Variants in PCDHGB4 observed in about 807,000 individuals in gnomAD.
PCDHGB4 encodes the protein protocadherin gamma subfamily B, 4, also known as protocadherin gamma-B4.
PCDHGB4 carries 38 observed loss-of-function variants against 60.5 expected under a neutral mutation model. The ratio of observed to expected loss-of-function variants is 0.63; its 90% CI spans 0.48 to 0.82. The LOEUF (loss-of-function observed/expected upper bound fraction) is 0.82, where lower values mean the gene tolerates loss of function less well. PCDHGB4 is among the 40% of genes least tolerant of loss of function. PCDHGB4 has a pLI of 0.00. For missense variants in PCDHGB4, 1,109 were observed against 1,209.6 expected (o/e 0.92, Z 1.23); for synonymous variants, 456 against 509.7 (o/e 0.89, Z 1.42).
At position 141,477,372 on chromosome 5, in the gene PCDHGB4, CTG is replaced by C; in HGVS notation, c.2398-17432_2398-17431del. On this transcript the variant is annotated intron_variant, in intron 1 of 3. Transcript: ENST00000519479. This position sits in a 1 kb window ranked among gnomAD's most constrained non-coding sequence, Gnocchi z 4.9. ...ACCAGTGCAGACCTGGATCGGGAGA[CTG>C]TGCCAGAATACAACCTCAGCATCAC... The C allele has an allele frequency of 6.2e-7, 1 of 1,614,154 alleles. No homozygotes were observed. The highest frequency in any genetic ancestry group is 8.5e-7 in the Non-Finnish European group (1 of 1,180,030).
intron 1 of PCDHGB4, among the ~76,000 whole-genome samples, chr5:141,437,987 C>T (rs2097922147): frequency 1.3e-5 from 2 of 152,156 alleles, no homozygotes; most frequent in African/African-American, 2.4e-5. Flanking sequence ...GCACCCACCC[C>T]ACCTCAGCCT....
chr5:141,485,920 T>G lies in PCDHGB4; in HGVS notation c.2398-8887T>G. 4 of 1,614,038 alleles carry G rather than the reference T, an allele frequency of 2.5e-6. No individual in the cohort carries two copies. Among genetic ancestry groups the G allele is most frequent in the Non-Finnish European group, 3.4e-6 (4 of 1,180,010 alleles). ...CCTTCCAGCAATCCAGCTACAGGAT[T>G]AGTGTGTTGGAGAGCGCACCAGCGG... On this transcript the variant is annotated intron_variant, in intron 1 of 3. Transcript: ENST00000519479. The surrounding 1 kb of genome is among the most constrained non-coding windows in gnomAD (Gnocchi z 5.7).
At chr5:141,409,545 A>G in intron 1 of PCDHGB4, 1 of 1,613,938 alleles carries the variant, frequency 6.2e-7, no homozygotes, top group African/African-American at 1.3e-5. Flanking sequence ...ATCAACGACA[A>G]CGCCCCAGTT....
At chr5:141,460,989 A>G (rs199888312) in intron 1 of PCDHGB4, among the ~76,000 whole-genome samples, 3,445 of 98,242 alleles carry the variant, frequency 0.035, 55 homozygotes, top group African/African-American at 0.064. Context: ...GTGTGTATAT[A>G]TATATATGTG....
At chr5:141,427,825 C>T (rs1342117815) in intron 1 of PCDHGB4, 2 of 1,536,464 alleles carry the variant, frequency 1.3e-6, no homozygotes, top group Non-Finnish European at 1.8e-6. Flanking sequence ...GTGGTGGTCG[C>T]GCAGCGTGCC....
Position 141,489,493 on chromosome 5 carries a change from G to A in PCDHGB4, c.2398-5314G>A, listed in dbSNP as rs1485293604. ...CCTGAGCTTGATGAGTGGTGCCCTG[G>A]CAGTGAATCAAAAGATTGACCGAGA... On this transcript the variant is annotated intron_variant, in intron 1 of 3. Coordinates refer to ENST00000519479, the MANE Select transcript of PCDHGB4 (RefSeq NM_003736.4). The surrounding 1 kb of genome is among the most constrained non-coding windows in gnomAD (Gnocchi z 4.5). The A allele has an allele frequency of 1.2e-6, 2 of 1,613,960 alleles. No homozygotes were observed. Among genetic ancestry groups the A allele is most frequent in the Non-Finnish European group, 1.7e-6 (2 of 1,180,038 alleles).
intron 2 of PCDHGB4, among the ~76,000 whole-genome samples, chr5:141,503,085 C>T (rs1284066265): frequency 6.6e-6 from 1 of 152,044 alleles, no homozygotes; most frequent in Non-Finnish European, 1.5e-5. Context: ...GATCTCCTGA[C>T]CTCGTGGTCT....
intron 1 of PCDHGB4, among the ~76,000 whole-genome samples, chr5:141,425,305 AC>A (rs1239206853): frequency 1.3e-5 from 2 of 152,202 alleles, no homozygotes; most frequent in Non-Finnish European, 2.9e-5. Flanking sequence ...ATCTAAACTA[AC>A]TTCCCAAGAT....
At chr5:141,417,798 C>T in intron 1 of PCDHGB4, 2 of 1,486,472 alleles carry the variant, frequency 1.3e-6, no homozygotes, top group Non-Finnish European at 1.8e-6. Context: ...GCTCTTTTAG[C>T]GCGGTAGAGT....
chr5:141,432,362 C>T lies in PCDHGB4; in HGVS notation c.2397+42081C>T. On this transcript the variant is annotated intron_variant, in intron 1 of 3. Transcript: ENST00000519479. The surrounding 1 kb of genome is among the most constrained non-coding windows in gnomAD (Gnocchi z 6.0). ...AGACTTGCAAGTGAAAGTGATGGCG[C>T]GGGACAACGGGCACCCGCCCCTCAG... 2 of 1,614,218 alleles carry T rather than the reference C, an allele frequency of 1.2e-6. No homozygotes were observed. Among genetic ancestry groups the T allele is most frequent in the South Asian group, 2.2e-5 (2 of 91,082 alleles).
chr5:141,424,408 T>G (rs942542788), intron 1 of PCDHGB4: 1 of 152,224 alleles, frequency 6.6e-6, no homozygotes, highest in Non-Finnish European at 1.5e-5. Flanking sequence ...TATGGTGAAG[T>G]TACATTGACT....
chr5:141,399,465 G>A, intron 1 of PCDHGB4: 1 of 1,614,014 alleles, frequency 6.2e-7, no homozygotes, highest in Non-Finnish European at 8.5e-7. Context: ...ATAACGCTCC[G>A]GTTTTCCACC....
At chr5:141,478,098 C>T (rs779493391) in intron 1 of PCDHGB4, 1 of 1,614,142 alleles carries the variant, frequency 6.2e-7, no homozygotes, top group South Asian at 1.1e-5. Flanking sequence ...ACCACTGCTA[C>T]CCTCACTGTG....
intron 2 of PCDHGB4, among the ~76,000 whole-genome samples, chr5:141,498,847 C>T (rs932801278): frequency 1.3e-5 from 2 of 151,856 alleles, no homozygotes; most frequent in Admixed American, 1.3e-4. Flanking sequence ...GCAGGGGAAT[C>T]GCTTGAACCC....
chr5:141,395,518 C>T (rs1046650715), intron 1 of PCDHGB4: 2 of 412,004 alleles, frequency 4.9e-6, no homozygotes, highest in Admixed American at 4.2e-5. Context: ...AGCTACCCGT[C>T]CATACTGGTA....
intron 1 of PCDHGB4, among the ~76,000 whole-genome samples, chr5:141,430,360 T>C (rs570966246): frequency 1.8e-4 from 27 of 151,522 alleles, no homozygotes; most frequent in Middle Eastern, 3.4e-3. Flanking sequence ...TAAAAGCTCA[T>C]TGGGGAAAAA....
intron 1 of PCDHGB4, chr5:141,478,473 A>G (rs2099458384): frequency 6.2e-7 from 1 of 1,613,742 alleles, no homozygotes; most frequent in African/African-American, 1.3e-5. Context: ...GCCAGCCGCC[A>G]GAACACGCTG....
rs765743251 is a variant in PCDHGB4 at position 141,476,488 on chromosome 5, G to A, written c.2398-18319G>A. ...TGGAGCTGTTCAGCGTGGAAGTGGTGATCCAGGACATCAACGACAACAATC... is the reference window on the plus strand; with the variant it reads ...TGGAGCTGTTCAGCGTGGAAGTGGTAATCCAGGACATCAACGACAACAATC... On this transcript the variant is annotated intron_variant, in intron 1 of 3. Coordinates refer to ENST00000519479, the MANE Select transcript of PCDHGB4 (RefSeq NM_003736.4). This position sits in a 1 kb window ranked among gnomAD's most constrained non-coding sequence, Gnocchi z 7.6. 4 of 1,613,932 alleles carry A rather than the reference G, an allele frequency of 2.5e-6. No homozygotes were observed. Among genetic ancestry groups the A allele is most frequent in the Non-Finnish European group, 3.4e-6 (4 of 1,180,016 alleles).
At chr5:141,463,725 C>T (rs1259646105) in intron 1 of PCDHGB4, among the ~76,000 whole-genome samples, 2 of 152,026 alleles carry the variant, frequency 1.3e-5, no homozygotes, top group Non-Finnish European at 1.5e-5. Context: ...GGATTACAGG[C>T]ATGAGCCACC....
Sources: gnomAD v4.1 joint callset for allele counts (sites outside exome capture counted in the v4.1 genomes callset) on GRCh38, gnomAD v4.1.1 for gene constraint, Gnocchi (gnomAD v3.1) non-coding constraint, MANE v1.5 for transcripts, NCBI Gene and HGNC (gene_info 2026-07-23, HGNC 2026-07-21) for gene names.